The following DAB1 variants were observed in gnomAD, a reference collection of about 807,000 sequenced individuals.
DAB1 encodes the protein disabled homolog 1.
A neutral mutation model predicts 64.6 loss-of-function variants in DAB1; 15 were observed. The ratio of observed to expected loss-of-function variants is 0.23; its 90% CI spans 0.16 to 0.36. The LOEUF (loss-of-function observed/expected upper bound fraction) is 0.36, where lower values mean the gene tolerates loss of function less well. Among genes scored for constraint, DAB1 ranks in the 10% least tolerant of loss-of-function variants. The probability of loss-of-function intolerance (pLI) is 1.00; values close to 1 mark genes in which losing one functional copy is unlikely to be tolerated. For missense variants in DAB1, 596 were observed against 706.7 expected, an observed-to-expected ratio of 0.84 and a Z score of 1.78; for synonymous variants, 235 against 251.9, an observed-to-expected ratio of 0.93 and a Z score of 0.64.
chr1:57,414,604 T>C (rs553805262), intron 1 of DAB1, among the ~76,000 whole-genome samples: 26 of 152,322 alleles, frequency 1.7e-4, no homozygotes, highest in African/African-American at 5.8e-4. Flanking sequence ...GTATCTCCCA[T>C]GGATGCCTGA....
At chr1:57,691,788 C>A (rs755417459) in intron 6 of DAB1, among the ~76,000 whole-genome samples, 1 of 152,086 alleles carries the variant, frequency 6.6e-6, no homozygotes, top group Non-Finnish European at 1.5e-5. Flanking sequence ...TTGGCAACCA[C>A]GAAGGAACTA....
chr1:58,205,898 GTTA>G (rs1658249398), intron 4 of DAB1, among the ~76,000 whole-genome samples: 2 of 152,160 alleles, frequency 1.3e-5, no homozygotes, highest in African/African-American at 4.8e-5. Flanking sequence ...AGGGAACCCA[GTTA>G]GTCAATGCCA....
intron 5 of DAB1, among the ~76,000 whole-genome samples, chr1:57,939,485 C>T (rs1367323927): frequency 2.6e-5 from 4 of 152,250 alleles, no homozygotes; most frequent in Admixed American, 2.0e-4. Context: ...CTTTTAGACA[C>T]TGTTCATTCT....
chr1:57,527,003 A>T (rs1402811952), intron 7 of DAB1, among the ~76,000 whole-genome samples: 1 of 152,194 alleles, frequency 6.6e-6, no homozygotes, highest in Non-Finnish European at 1.5e-5. Context: ...TTGTAAGATT[A>T]GTAGTATTAG....
At chr1:58,001,218 GA>G (rs1319080228) in intron 5 of DAB1, among the ~76,000 whole-genome samples, 1 of 151,674 alleles carries the variant, frequency 6.6e-6, no homozygotes, top group Non-Finnish European at 1.5e-5. Flanking sequence ...TCTGGTTCAG[GA>G]AAGCCTTAGT....
At chr1:57,907,726 C>T (rs1181568234) in intron 5 of DAB1, among the ~76,000 whole-genome samples, 2 of 151,984 alleles carry the variant, frequency 1.3e-5, no homozygotes, top group African/African-American at 2.4e-5. Flanking sequence ...TCCTCCCCAC[C>T]ATCTTTTGGT....
At chr1:58,165,319 C>A (rs1655770663) in intron 4 of DAB1, among the ~76,000 whole-genome samples, 1 of 152,098 alleles carries the variant, frequency 6.6e-6, no homozygotes, top group African/African-American at 2.4e-5. Flanking sequence ...AGAGTGTGAC[C>A]CCACTGTGTG....
chr1:57,581,021 A>G (rs1208445608), intron 7 of DAB1, among the ~76,000 whole-genome samples: 1 of 152,226 alleles, frequency 6.6e-6, no homozygotes, highest in Admixed American at 6.5e-5. Flanking sequence ...CCAAAGCAAG[A>G]GGCCTGTCTA....
intron 6 of DAB1, among the ~76,000 whole-genome samples, chr1:57,775,208 AG>A (rs1226376191): frequency 6.7e-4 from 101 of 151,508 alleles, no homozygotes; most frequent in South Asian, 3.3e-3. Flanking sequence ...ACCTTTTCCA[AG>A]AACCAATTTT....
intron 2 of DAB1, among the ~76,000 whole-genome samples, chr1:57,239,242 G>A (rs146381745): frequency 6.6e-5 from 10 of 152,182 alleles, no homozygotes; most frequent in East Asian, 3.9e-4. Context: ...GTCCTGTCTC[G>A]TCCATCTAAA....
chr1:57,877,563 T>C lies in DAB1; in HGVS notation n.87+6436A>G, dbSNP rs533128258. ...TTGATTTATTTTTTTTTTTTTTTTT[T>C]TTTTTTTTGAGACGGAGTCTCGCTC... On this transcript the variant is annotated intron_variant and non_coding_transcript_variant, in intron 1 of 1. Transcript: ENST00000477280. 9.4e-5 allele frequency among the ~76,000 whole-genome samples: 2 copies of C among 21,206 alleles called. 1 individual carries two copies. The highest frequency in any genetic ancestry group is 1.2e-3 in the Admixed American group (2 of 1,730). 13.9% of individuals were successfully genotyped at this position (21,206 alleles called of 152,430 possible). A position where few individuals can be genotyped will look rare whatever the true frequency, so the allele number is the denominator to read the frequency against.
intron 9 of DAB1, among the ~76,000 whole-genome samples, chr1:57,029,152 G>A (rs58013337): frequency 1.3e-5 from 2 of 152,286 alleles, no homozygotes; most frequent in African/African-American, 4.8e-5. Flanking sequence ...TTGGTGCCCT[G>A]TGTCCCAGCC....
chr1:58,399,913 C>A (rs1003927831), intron 3 of DAB1, among the ~76,000 whole-genome samples: 1 of 151,930 alleles, frequency 6.6e-6, no homozygotes, highest in East Asian at 1.9e-4. Flanking sequence ...GAATTAGGTC[C>A]GGGGTTATGC....
intron 1 of DAB1, among the ~76,000 whole-genome samples, chr1:57,362,127 G>T (rs750802991): frequency 6.6e-6 from 1 of 152,152 alleles, no homozygotes; most frequent in African/African-American, 2.4e-5. Context: ...CCTGCCATCA[G>T]ATTTAACTGA....
chr1:57,261,123 A>G lies in DAB1; in HGVS notation c.67+29841T>C, dbSNP rs372866676. Among the ~76,000 whole-genome samples the G allele has an allele frequency of 6.3e-4, 96 of 152,064 alleles. 1 individual carries two copies. The South Asian group carries it at 0.017, about 28-fold the overall frequency. On this transcript the variant is annotated intron_variant, in intron 2 of 14. Coordinates refer to ENST00000371236, the MANE Select transcript of DAB1 (RefSeq NM_001365792.1). ...TTATGATGACCACTCCCACCCTCCC[A>G]ATTTGTTCTTACACACTGACAAACC... is the stretch of plus-strand genomic sequence containing the variant.
chr1:58,125,237 A>G (rs1274900287), intron 5 of DAB1, among the ~76,000 whole-genome samples: 1 of 152,102 alleles, frequency 6.6e-6, no homozygotes, highest in Non-Finnish European at 1.5e-5. Context: ...ATGTTTCACT[A>G]ATTTGTTTAT....
intron 2 of DAB1, among the ~76,000 whole-genome samples, chr1:57,212,366 T>C (rs1164717456): frequency 7.5e-6 from 1 of 133,360 alleles, no homozygotes; most frequent in East Asian, 2.1e-4. Context: ...TTCCTTTTTT[T>C]TTTTTTTTTT....
intron 3 of DAB1, among the ~76,000 whole-genome samples, chr1:58,480,247 C>G (rs1226004216): frequency 1.3e-5 from 2 of 152,222 alleles, no homozygotes; most frequent in East Asian, 3.9e-4. Context: ...TTGCCTTTGC[C>G]TCTTTTTCTT....
intron 1 of DAB1, among the ~76,000 whole-genome samples, 176 bp downstream of exon 1, chr1:57,423,754 G>A (rs1685114328): frequency 1.3e-5 from 2 of 152,106 alleles, no homozygotes; most frequent in African/African-American, 4.8e-5. Context: ...GCGAAAAACT[G>A]CTGCAGTCGC....
Sources: allele counts gnomAD v4.1 joint callset (sites outside exome capture counted in the v4.1 genomes callset), GRCh38; gene constraint gnomAD v4.1.1; transcripts MANE v1.5; gene names NCBI Gene and HGNC (gene_info 2026-07-23, HGNC 2026-07-21).